The following PTPRK variants were observed in gnomAD, a reference collection of about 807,000 sequenced individuals.
PTPRK encodes the protein protein tyrosine phosphatase receptor type K, also known as receptor-type tyrosine-protein phosphatase kappa.
In PTPRK, 75 loss-of-function variants were observed where a neutral mutation model predicts 178.0. That is an observed-to-expected ratio of 0.42 (90% confidence interval 0.35 to 0.51). The LOEUF (loss-of-function observed/expected upper bound fraction) is 0.51, where lower values mean the gene tolerates loss of function less well. Among genes scored for constraint, PTPRK ranks in the 20% least tolerant of loss-of-function variants. PTPRK has a pLI of 0.02. For synonymous variants in PTPRK, 637 were observed against 620.6 expected (o/e 1.03, Z -0.39); for missense variants, 1,441 against 1,797.8 (o/e 0.80, Z 3.59).
At chr6:128,049,973 C>T (rs148255044) in intron 13 of PTPRK, among the ~76,000 whole-genome samples, 1 of 152,116 alleles carries the variant, frequency 6.6e-6, no homozygotes, top group Non-Finnish European at 1.5e-5. Flanking sequence ...GCCATCTCTA[C>T]TAAAAATACA....
At chr6:128,367,148 T>C (rs544816403) in intron 2 of PTPRK, among the ~76,000 whole-genome samples, 1 of 152,286 alleles carries the variant, frequency 6.6e-6, no homozygotes, top group Admixed American at 6.5e-5. Context: ...TTGACTTTTC[T>C]AACCCCATGC....
At chr6:128,343,486 G>A (rs1300967341) in intron 2 of PTPRK, among the ~76,000 whole-genome samples, 1 of 143,546 alleles carries the variant, frequency 7.0e-6, no homozygotes, top group Non-Finnish European at 1.5e-5. Context: ...GGCAACAAGA[G>A]TGAAACTCCA....
At chr6:128,378,720 T>C (rs921390845) in intron 2 of PTPRK, among the ~76,000 whole-genome samples, 3 of 152,146 alleles carry the variant, frequency 2.0e-5, no homozygotes, top group Non-Finnish European at 4.4e-5. Flanking sequence ...AAATATGCCA[T>C]ATAACTGAAA....
chr6:128,229,241 A>C (rs1329731536), intron 5 of PTPRK, among the ~76,000 whole-genome samples: 1 of 152,228 alleles, frequency 6.6e-6, no homozygotes, highest in African/African-American at 2.4e-5. Context: ...TACAAGTTTC[A>C]AAATAAAATG....
chr6:128,308,801 T>C (rs1245677759), intron 3 of PTPRK, among the ~76,000 whole-genome samples: 2 of 152,176 alleles, frequency 1.3e-5, no homozygotes, highest in Non-Finnish European at 2.9e-5. Context: ...TCACTGTCCT[T>C]CTGTACATCA....
At chr6:128,029,440 T>C (rs887663730) in intron 13 of PTPRK, among the ~76,000 whole-genome samples, 19 of 151,882 alleles carry the variant, frequency 1.3e-4, no homozygotes, top group African/African-American at 4.3e-4. Flanking sequence ...AGGTGGATCA[T>C]TTGAGTTCAA....
intron 7 of PTPRK, among the ~76,000 whole-genome samples, chr6:128,172,102 T>C (rs1224309324): frequency 6.6e-6 from 1 of 152,024 alleles, no homozygotes; most frequent in Non-Finnish European, 1.5e-5. Flanking sequence ...ATAAAAATGT[T>C]ATCACTGAGA....
Position 128,343,360 on chromosome 6 carries a change from C to G in PTPRK, c.224-21050G>C, listed in dbSNP as rs536748953. On this transcript the variant is annotated intron_variant, in intron 2 of 29. Coordinates refer to ENST00000368226, the MANE Select transcript of PTPRK (RefSeq NM_002844.4). Reference sequence around the variant, plus strand: ...ACTAAAAATACAAAAATTAGCTGGGCGTGGCAGTGGGTGCCTATAATCCCA... The same window carrying G: ...ACTAAAAATACAAAAATTAGCTGGGGGTGGCAGTGGGTGCCTATAATCCCA... 5.3e-5 allele frequency among the ~76,000 whole-genome samples: 8 copies of G among 151,760 alleles called. No individual in the cohort carries two copies. In the East Asian group the frequency reaches 1.6e-3, roughly 29 times the overall value.
intron 13 of PTPRK, among the ~76,000 whole-genome samples, chr6:128,058,991 C>T (rs1322715162): frequency 6.6e-6 from 1 of 151,976 alleles, no homozygotes; most frequent in African/African-American, 2.4e-5. Flanking sequence ...CGTGTGTGTG[C>T]ATCTATTACT....
chr6:128,047,177 C>T lies in PTPRK; in HGVS notation c.2194+17581G>A, dbSNP rs138481010. ...GATTTTGGATAAAATCTTGCATGTA[C>T]TTCTACTCTTTTGTAACAAGTGATT... is the stretch of plus-strand genomic sequence containing the variant. On this transcript the variant is annotated intron_variant, in intron 13 of 29. Transcript: ENST00000368226. Among the ~76,000 whole-genome samples, 215 of 152,250 alleles carry T rather than the reference C, an allele frequency of 1.4e-3. 2 individuals are homozygous for T. Among genetic ancestry groups the T allele is most frequent in the Admixed American group, 5.0e-3 (76 of 15,274 alleles).
chr6:128,025,730 C>G (rs1285717714), intron 13 of PTPRK, among the ~76,000 whole-genome samples: 1 of 152,174 alleles, frequency 6.6e-6, no homozygotes, highest in Non-Finnish European at 1.5e-5. Context: ...CCTTTTCCAG[C>G]TACCAGTGCT....
intron 1 of PTPRK, among the ~76,000 whole-genome samples, chr6:128,457,153 T>C (rs1370552993): frequency 6.6e-6 from 1 of 152,094 alleles, no homozygotes; most frequent in East Asian, 1.9e-4. Context: ...AGCCAAAATA[T>C]GAGGTAATAT....
chr6:128,469,722 A>C (rs1261704852), intron 1 of PTPRK, among the ~76,000 whole-genome samples: 1 of 152,180 alleles, frequency 6.6e-6, no homozygotes, highest in Non-Finnish European at 1.5e-5. Flanking sequence ...GTTGATAATC[A>C]GCTGACGTTG....
At chr6:128,236,273 T>G (rs1297678455) in intron 5 of PTPRK, among the ~76,000 whole-genome samples, 1 of 151,988 alleles carries the variant, frequency 6.6e-6, no homozygotes, top group African/African-American at 2.4e-5. Flanking sequence ...ACATGCTACT[T>G]CACTGAGCTC....
intron 3 of PTPRK, among the ~76,000 whole-genome samples, chr6:128,300,922 AC>A (rs1825498170): frequency 6.6e-6 from 1 of 151,782 alleles, no homozygotes; most frequent in Non-Finnish European, 1.5e-5. Flanking sequence ...CAACATACAC[AC>A]CCCACCCCCA....
chr6:128,189,067 T>C (rs1204353902), intron 6 of PTPRK, among the ~76,000 whole-genome samples: 1 of 152,078 alleles, frequency 6.6e-6, no homozygotes, highest in African/African-American at 2.4e-5. Flanking sequence ...ACATGGACTA[T>C]GATCTCATCC....
intron 15 of PTPRK, among the ~76,000 whole-genome samples, chr6:128,002,314 A>C (rs982755767): frequency 6.6e-6 from 1 of 151,786 alleles, no homozygotes; most frequent in Non-Finnish European, 1.5e-5. Flanking sequence ...TATAAATAAC[A>C]AACATGACAT....
chr6:128,368,271 G>A (rs1243971170), intron 2 of PTPRK, among the ~76,000 whole-genome samples: 14 of 151,792 alleles, frequency 9.2e-5, no homozygotes, highest in Admixed American at 2.6e-4. Flanking sequence ...TGAAAAGAAA[G>A]GGATAGAGCC....
At chr6:128,240,712 C>G (rs1023578863) in intron 4 of PTPRK, among the ~76,000 whole-genome samples, 1 of 152,102 alleles carries the variant, frequency 6.6e-6, no homozygotes, top group African/African-American at 2.4e-5. Flanking sequence ...AGAACACCAG[C>G]TAAACTGGTA....
Sources: gnomAD v4.1 joint callset for allele counts (sites outside exome capture counted in the v4.1 genomes callset) on GRCh38, gnomAD v4.1.1 for gene constraint, MANE v1.5 for transcripts, NCBI Gene and HGNC (gene_info 2026-07-23, HGNC 2026-07-21) for gene names.